Variants in SIGLEC12 observed in about 807,000 individuals in gnomAD.
The protein encoded by SIGLEC12 is sialic acid-binding Ig-like lectin 12.
Under a neutral mutation model 54.1 loss-of-function variants are expected in SIGLEC12, and 43 were observed. The observed-to-expected ratio is 0.80, with a 90% CI of 0.62 to 1.03. The LOEUF is 1.03. SIGLEC12 is among the 50% of genes least tolerant of loss of function. The pLI is 0.00. For missense variants in SIGLEC12, 802 were observed against 735.2 expected (o/e 1.09, Z -1.05); for synonymous variants, 357 against 307.6 (o/e 1.16, Z -1.68).
chr19:51,501,622 G>T lies in SIGLEC12; in HGVS notation c.112C>A (p.Leu38Met). 11 of 1,614,088 alleles carry T rather than the reference G, an allele frequency of 6.8e-6. No homozygotes were observed. The highest frequency in any genetic ancestry group is 9.3e-6 in the Non-Finnish European group (11 of 1,179,972). Residue 38 changes from leucine to methionine, a missense_variant, in exon 1 of 8, where the codon CTG (leucine) becomes ATG (methionine). Leu to Met is a conservative substitution (Grantham distance 15). Transcript: ENST00000291707. Reference protein sequence around the residue: ...MQKSVTVQEGLCVSVLCSFSY... With the variant: ...MQKSVTVQEGMCVSVLCSFSY... ...AAGGAGCAAAGCACAGAGACACACA[G>T]GCCCTCCTGCACCGTCACGGACTTC...
chr19:51,497,092 G>A, intron 6 of SIGLEC12, 116 bp from the exon 7 acceptor site: 1 of 1,519,514 alleles, frequency 6.6e-7, no homozygotes, highest in Non-Finnish European at 9.0e-7. Flanking sequence ...AGGCGGGAGG[G>A]GAGTGGTCCC....
At chr19:51,497,894 G>A (rs1177619082) in intron 5 of SIGLEC12, 124 bp downstream of exon 5, 51 of 1,360,268 alleles carry the variant, frequency 3.7e-5, no homozygotes, top group South Asian at 5.6e-5. Flanking sequence ...TCCCCACCCC[G>A]CACTCACTGC....
chr19:51,499,385 C>T, intron 3 of SIGLEC12, 53 bp downstream of exon 3: 1 of 1,545,518 alleles, frequency 6.5e-7, no homozygotes, highest in Non-Finnish European at 8.7e-7. Flanking sequence ...CCACATCCAA[C>T]TGGCCTCAAG....
chr19:51,497,657 A>C (rs971538410), intron 5 of SIGLEC12, among the ~76,000 whole-genome samples: 1 of 152,222 alleles, frequency 6.6e-6, no homozygotes, highest in African/African-American at 2.4e-5. Flanking sequence ...AGTTTTCACC[A>C]TGGAATTATT....
chr19:51,491,727 G>A lies in SIGLEC12; in HGVS notation c.1702C>T (p.Leu568Phe). 6.2e-7 allele frequency: 1 copy of A among 1,613,962 alleles called. No homozygotes were observed. Among genetic ancestry groups the A allele is most frequent in the Non-Finnish European group, 8.5e-7 (1 of 1,179,966 alleles). The change falls in exon 8 of 8, where the codon CTC (leucine) becomes TTC (phenylalanine). Residue 568 changes from leucine (L) to phenylalanine (F), a missense_variant. Coordinates refer to ENST00000291707, the MANE Select transcript of SIGLEC12 (RefSeq NM_053003.4). Reference sequence around the variant, plus strand: ...TGAGGCCTCGCTTTGTGGAAGCTGAGGGATGCATACTGGATCTCTCCTTCC... The same window carrying A: ...TGAGGCCTCGCTTTGTGGAAGCTGAAGGATGCATACTGGATCTCTCCTTCC... ...PEEGEIQYAS[L>F]SFHKARPQYP... is the part of the protein sequence containing the mutation.
chr19:51,498,961 G>A (rs562988374), intron 4 of SIGLEC12, among the ~76,000 whole-genome samples: 41 of 152,294 alleles, frequency 2.7e-4, no homozygotes, highest in Non-Finnish European at 4.1e-4. Context: ...TACCCTTGCT[G>A]TGGGGCCAAA....
chr19:51,496,559 A>G (rs1990243941), intron 7 of SIGLEC12, among the ~76,000 whole-genome samples: 1 of 152,232 alleles, frequency 6.6e-6, no homozygotes, highest in African/African-American at 2.4e-5. Context: ...TGCTGAGCCA[A>G]ATGGAACTTG....
intron 7 of SIGLEC12, among the ~76,000 whole-genome samples, chr19:51,493,834 C>G (rs192079365): frequency 6.6e-6 from 1 of 152,294 alleles, no homozygotes; most frequent in African/African-American, 2.4e-5. Context: ...TTTCCTCTAC[C>G]ACACACAGTC....
At chr19:51,495,421 A>ATGGATGGG (rs1555776073) in intron 7 of SIGLEC12, among the ~76,000 whole-genome samples, 2 of 117,028 alleles carry the variant, frequency 1.7e-5, no homozygotes, top group Non-Finnish European at 3.9e-5. Context: ...GGGTGGATGG[A>ATGGATGGG]TGGATGGATG....
At chr19:51,497,499 TCTC>T in intron 5 of SIGLEC12, 54 bp from the exon 6 acceptor site, 4 of 1,354,258 alleles carry the variant, frequency 3.0e-6, no homozygotes, top group South Asian at 1.2e-5. Context: ...CTGGGCCTCT[TCTC>T]CTCCCACTGC....
At chr19:51,498,873 A>C (rs753975897) in intron 4 of SIGLEC12, among the ~76,000 whole-genome samples, 36 of 152,232 alleles carry the variant, frequency 2.4e-4, no homozygotes, top group Non-Finnish European at 7.3e-5. Context: ...TATTGGTGAA[A>C]ATAAAAGGAT....
chr19:51,496,530 C>T (rs1035829083), intron 7 of SIGLEC12, among the ~76,000 whole-genome samples: 2 of 151,990 alleles, frequency 1.3e-5, no homozygotes, highest in East Asian at 3.9e-4. Flanking sequence ...TAAATAAACC[C>T]AGATTAGTGA....
chr19:51,496,781 T>C (rs1270866783), intron 7 of SIGLEC12, 99 bp downstream of exon 7: 1 of 1,390,114 alleles, frequency 7.2e-7, no homozygotes, highest in Non-Finnish European at 1.0e-6. Context: ...ATTTTTCGGC[T>C]GTAGGGGAAG....
At position 51,491,447 on chromosome 19, in the gene SIGLEC12, G is replaced by A. The variant is rs570093646; in HGVS notation, c.*194C>T. ...ATGGTGGGTACCAGAGGCCGGGGGC[G>A]GGGAGTGTGGACCGATTGGATGGAG... On this transcript the variant is annotated 3_prime_UTR_variant, in exon 8 of 8. Transcript: ENST00000291707. 1.9e-4 allele frequency: 108 copies of A among 572,042 alleles called. No homozygotes were observed. In the Middle Eastern group the frequency reaches 3.7e-3, roughly 20 times the overall value. 35.4% of individuals were successfully genotyped at this position (572,042 alleles called of 1,614,324 possible). A position where few individuals can be genotyped will look rare whatever the true frequency, so the allele number is the denominator to read the frequency against.
At chr19:51,500,323 C>A in intron 1 of SIGLEC12, 23 bp from the exon 2 acceptor site, 1 of 1,614,120 alleles carries the variant, frequency 6.2e-7, no homozygotes. Context: ...GAGGGTCAGC[C>A]CAGCCCCCAC....
At chr19:51,499,739 C>T in intron 2 of SIGLEC12, 23 bp from the exon 3 acceptor site, 1 of 1,611,356 alleles carries the variant, frequency 6.2e-7, no homozygotes, top group South Asian at 1.1e-5. Flanking sequence ...GGGAGACAGG[C>T]AAAATGAGGG....
Position 51,499,350 on chromosome 19 carries a change from G to A in SIGLEC12, c.1087+88C>T, listed in dbSNP as rs1035148609. 11 of 1,561,088 alleles carry A rather than the reference G, an allele frequency of 7.0e-6. No individual in the cohort carries two copies. In the African/African-American group the frequency reaches 1.5e-4, roughly 21 times the overall value. On this transcript the variant is annotated intron_variant, in intron 3 of 7. Transcript: ENST00000291707. ...CCCCCAACTCCCAGCCAAGATTCCA[G>A]GACCCAGATCCTTGAGTCTGGGTCC...
At chr19:51,501,029 C>T (rs1397808678) in intron 1 of SIGLEC12, among the ~76,000 whole-genome samples, 1 of 152,078 alleles carries the variant, frequency 6.6e-6, no homozygotes, top group Non-Finnish European at 1.5e-5. Context: ...CTAGGACAGG[C>T]CCCAAAACAA....
intron 4 of SIGLEC12, 109 bp downstream of exon 4, chr19:51,499,061 G>A (rs892232002): frequency 2.6e-6 from 3 of 1,134,918 alleles, no homozygotes; most frequent in Non-Finnish European, 3.9e-6. Context: ...AGGGAGGGGG[G>A]GGCCGGGGCT....
Sources: allele counts gnomAD v4.1 joint callset (sites outside exome capture counted in the v4.1 genomes callset), GRCh38; gene constraint gnomAD v4.1.1; transcripts MANE v1.5; gene names NCBI Gene and HGNC (gene_info 2026-07-23, HGNC 2026-07-21).